The following ZDHHC6 variants were observed in gnomAD, a reference collection of about 807,000 sequenced individuals.
ZDHHC6 encodes the protein zDHHC palmitoyltransferase 6, also known as palmitoyltransferase ZDHHC6.
A neutral mutation model predicts 57.8 loss-of-function variants in ZDHHC6; 32 were observed. The ratio of observed to expected loss-of-function variants is 0.55; its 90% CI spans 0.42 to 0.74. The LOEUF (loss-of-function observed/expected upper bound fraction) is 0.74. Among genes scored for constraint, ZDHHC6 ranks in the 30% least tolerant of loss-of-function variants. The pLI, the probability that ZDHHC6 is intolerant of heterozygous loss-of-function variation, is 0.00. For synonymous variants in ZDHHC6, 128 were observed against 158.0 expected (o/e 0.81, Z 1.42); for missense variants, 433 against 500.7 (o/e 0.86, Z 1.29).
At position 112,432,472 on chromosome 10, in the gene ZDHHC6, T is replaced by C; in HGVS notation, c.995A>G (p.Asn332Ser). ...EDYSGACCPL[N>S]KGIKTFFTSP... The stretch of plus-strand genomic sequence containing the variant: ...TGTGAAGAAGGTTTTGATTCCTTTA[T>C]TCAGAGGGCAGCAGGCACCACTATA... The change falls in exon 9 of 11, where the codon AAT becomes AGT. Residue 332 changes from asparagine to serine, a missense_variant. Coordinates refer to ENST00000369405, the MANE Select transcript of ZDHHC6 (RefSeq NM_022494.3). 6.2e-7 allele frequency: 1 copy of C among 1,614,216 alleles called. No individual in the cohort carries two copies.
chr10:112,435,449 T>C (rs1381070516), intron 6 of ZDHHC6, among the ~76,000 whole-genome samples: 1 of 152,222 alleles, frequency 6.6e-6, no homozygotes, highest in Non-Finnish European at 1.5e-5. Context: ...AAATGTAGCA[T>C]GGCGGTTTAT....
chr10:112,435,463 C>T (rs1845435915), intron 6 of ZDHHC6, among the ~76,000 whole-genome samples: 1 of 152,130 alleles, frequency 6.6e-6, no homozygotes, highest in South Asian at 2.1e-4. Flanking sequence ...GGTTTATAAG[C>T]AGCCTTGGTC....
intron 7 of ZDHHC6, 65 bp downstream of exon 7, chr10:112,434,232 T>G: frequency 2.1e-6 from 3 of 1,439,384 alleles, no homozygotes; most frequent in Non-Finnish European, 2.8e-6. Context: ...TCACTTGAGT[T>G]GAGGGGGAGT....
At chr10:112,440,088 G>C (rs533949909) in intron 5 of ZDHHC6, among the ~76,000 whole-genome samples, 1 of 147,646 alleles carries the variant, frequency 6.8e-6, no homozygotes, top group East Asian at 2.0e-4. Context: ...TAACCTTTTT[G>C]AGAATCAATG....
Position 112,440,514 on chromosome 10 carries a change from G to C in ZDHHC6, c.681+20C>G, listed in dbSNP as rs1174612903. 3 of 1,608,522 alleles carry C rather than the reference G, an allele frequency of 1.9e-6. No homozygotes were observed. Among genetic ancestry groups the C allele is most frequent in the Non-Finnish European group, 2.5e-6 (3 of 1,176,494 alleles). ...CCCAACAACTTGACACTTTTGACTT[G>C]AGGTAATTGAGATGCTTACCTGGAT... On this transcript the variant is annotated intron_variant, in intron 5 of 10. Coordinates refer to ENST00000369405, the MANE Select transcript of ZDHHC6 (RefSeq NM_022494.3).
Position 112,430,872 on chromosome 10 carries a change from A to G in ZDHHC6, c.1174T>C (p.Cys392Arg). The G allele has an allele frequency of 6.2e-7, 1 of 1,613,818 alleles. No individual in the cohort carries two copies. Among genetic ancestry groups the G allele is most frequent in the Non-Finnish European group, 8.5e-7 (1 of 1,179,882 alleles). The change falls in exon 11 of 11, where the codon TGT (cysteine) becomes CGT (arginine). Residue 392 changes from cysteine to arginine, a missense_variant. By Grantham distance (180) the Cys-to-Arg change is radical (BLOSUM62 -3). Coordinates refer to ENST00000369405, the MANE Select transcript of ZDHHC6 (RefSeq NM_022494.3). ...SRIRGWFPRK[C>R]VEKCPCDAET... ...GCATCACAGGGACACTTTTCCACACATTTTCTAGGGAACCAACCCCTTATT... is the reference window on the plus strand; with the variant it reads ...GCATCACAGGGACACTTTTCCACACGTTTTCTAGGGAACCAACCCCTTATT...
chr10:112,431,549 G>C (rs1040484717), intron 10 of ZDHHC6, among the ~76,000 whole-genome samples: 8 of 151,922 alleles, frequency 5.3e-5, no homozygotes, highest in Non-Finnish European at 7.4e-5. Context: ...CCTGACCTCA[G>C]GTGATCCATC....
upstream of ZDHHC6, chr10:112,447,548 T>C (rs1053616811): frequency 2.6e-5 from 39 of 1,497,132 alleles, no homozygotes; most frequent in East Asian, 4.8e-5. Context: ...CGAGTAAGTG[T>C]GTCTATGAGG....
At chr10:112,436,514 T>C (rs911280634) in intron 6 of ZDHHC6, among the ~76,000 whole-genome samples, 1 of 152,176 alleles carries the variant, frequency 6.6e-6, no homozygotes, top group African/African-American at 2.4e-5. Flanking sequence ...GTCTTACTTA[T>C]GTAGAAGCTA....
At chr10:112,447,371 G>A (rs1361527788), upstream of ZDHHC6, 2 of 1,612,664 alleles carry the variant, frequency 1.2e-6, no homozygotes, top group Non-Finnish European at 1.7e-6. Flanking sequence ...TTCCGGAGCC[G>A]CCATGTCGTC....
chr10:112,426,212 A>G, downstream of ZDHHC6: 3 of 1,486,100 alleles, frequency 2.0e-6, no homozygotes, highest in Non-Finnish European at 2.8e-6. Flanking sequence ...GGACATCCCT[A>G]CATAACTTCT....
chr10:112,425,180 C>T (rs1844620322), exon 12 of ZDHHC6: 1 of 590,302 alleles, frequency 1.7e-6, no homozygotes, highest in Non-Finnish European at 2.9e-6. Flanking sequence ...TGCTTCCCTC[C>T]CCTTTCACCA....
intron 3 of ZDHHC6, among the ~76,000 whole-genome samples, chr10:112,442,557 G>C (rs1351682401): frequency 2.0e-5 from 3 of 152,178 alleles, no homozygotes; most frequent in Admixed American, 1.3e-4. Context: ...ACAGGAAAGG[G>C]CAGGCTTTCT....
chr10:112,437,802 T>C (rs570915171), intron 6 of ZDHHC6, among the ~76,000 whole-genome samples: 1 of 152,210 alleles, frequency 6.6e-6, no homozygotes, highest in South Asian at 2.1e-4. Context: ...CTGCAGGTAT[T>C]TGGGTTTCAA....
intron 6 of ZDHHC6, among the ~76,000 whole-genome samples, chr10:112,437,868 T>C (rs1845694053): frequency 6.6e-6 from 1 of 152,156 alleles, no homozygotes; most frequent in Non-Finnish European, 1.5e-5. Flanking sequence ...AGCAGGGTAG[T>C]CAGATTTGTG....
chr10:112,426,442 C>A, downstream of ZDHHC6: 2 of 1,187,064 alleles, frequency 1.7e-6, no homozygotes, highest in Non-Finnish European at 2.5e-6. Flanking sequence ...CTGCATCTGT[C>A]ACAAGTGGCT....
intron 8 of ZDHHC6, among the ~76,000 whole-genome samples, 181 bp downstream of exon 8, chr10:112,433,059 C>T (rs1845186739): frequency 6.6e-6 from 1 of 152,150 alleles, no homozygotes; most frequent in African/African-American, 2.4e-5. Context: ...CTCCCAACCT[C>T]TAGTCCCAAT....
Position 112,445,389 on chromosome 10 carries a change from T to C in ZDHHC6, c.48A>G (p.Leu16=), listed in dbSNP as rs778722089. ...TGGGACCCCAGTGACACAGTCTCTT[T>C]AATTCTTGTAGATTTTCAAACTTGA... is the stretch of plus-strand genomic sequence containing the variant. ...SVIKFENLQE[L]KRLCHWGPII... is the part of the protein sequence containing the mutation. The change falls in exon 2 of 11, where the codon TTA becomes TTG. Residue 16 remains leucine (L), a synonymous_variant. Coordinates refer to ENST00000369405, the MANE Select transcript of ZDHHC6 (RefSeq NM_022494.3). 7 of 1,614,120 alleles carry C rather than the reference T, an allele frequency of 4.3e-6. No homozygotes were observed. The East Asian group carries it at 1.1e-4, about 26-fold the overall frequency.
At chr10:112,439,449 G>A (rs2133868718) in intron 5 of ZDHHC6, among the ~76,000 whole-genome samples, 1 of 151,624 alleles carries the variant, frequency 6.6e-6, no homozygotes, top group South Asian at 2.1e-4. Context: ...TGGCCAAGAT[G>A]GTGAAACCCC....
Sources: allele counts gnomAD v4.1 joint callset (sites outside exome capture counted in the v4.1 genomes callset), GRCh38; gene constraint gnomAD v4.1.1; transcripts MANE v1.5; gene names NCBI Gene and HGNC (gene_info 2026-07-23, HGNC 2026-07-21).